Variants in CRTAC1 observed in about 807,000 individuals in gnomAD.
The protein encoded by CRTAC1 is acidic secreted protein in cartilage.
In CRTAC1, 37 loss-of-function variants were observed where a neutral mutation model predicts 67.8. That is an observed-to-expected ratio of 0.55 (90% CI 0.42 to 0.72). The LOEUF (loss-of-function observed/expected upper bound fraction) is 0.72, where lower values mean the gene tolerates loss of function less well. Ranked by LOEUF, CRTAC1 falls within the 30% of genes least tolerant of loss-of-function variation. The pLI is 0.00. For synonymous variants in CRTAC1, 348 were observed against 371.0 expected (o/e 0.94, Z 0.71); for missense variants, 780 against 931.6 (o/e 0.84, Z 2.12).
intron 7 of CRTAC1, among the ~76,000 whole-genome samples, chr10:97,904,362 C>T (rs1172362279): frequency 6.6e-6 from 1 of 152,116 alleles, no homozygotes; most frequent in African/African-American, 2.4e-5. Flanking sequence ...CCGGGGCACC[C>T]CTGCAGTGGT....
chr10:98,012,079 A>T (rs1046681122), intron 1 of CRTAC1, among the ~76,000 whole-genome samples: 8 of 152,226 alleles, frequency 5.3e-5, no homozygotes, highest in African/African-American at 1.9e-4. Flanking sequence ...AGAAGCAGTC[A>T]GTTAGGGGAG....
At chr10:97,961,633 C>T (rs943493878) in intron 2 of CRTAC1, among the ~76,000 whole-genome samples, 1 of 152,162 alleles carries the variant, frequency 6.6e-6, no homozygotes, top group African/African-American at 2.4e-5. Context: ...CCTTATGACC[C>T]TAAGCCCCAA....
At chr10:98,012,486 C>G (rs1160057171) in intron 1 of CRTAC1, among the ~76,000 whole-genome samples, 1 of 152,206 alleles carries the variant, frequency 6.6e-6, no homozygotes, top group East Asian at 1.9e-4. Context: ...ACTTTCCTGC[C>G]TTCAGAAGGT....
intron 2 of CRTAC1, among the ~76,000 whole-genome samples, chr10:98,007,347 A>G (rs1842811141): frequency 6.6e-6 from 1 of 152,228 alleles, no homozygotes; most frequent in Non-Finnish European, 1.5e-5. Context: ...ACTTTTGGTT[A>G]TCCAGCCCAA....
intron 3 of CRTAC1, among the ~76,000 whole-genome samples, chr10:97,927,107 G>T (rs1450953861): frequency 6.6e-6 from 1 of 152,202 alleles, no homozygotes; most frequent in East Asian, 1.9e-4. Flanking sequence ...TTCAGTGAGA[G>T]AAATTTCTCA....
chr10:97,925,430 A>T (rs1264975350), intron 3 of CRTAC1, among the ~76,000 whole-genome samples: 12 of 151,546 alleles, frequency 7.9e-5, no homozygotes, highest in Admixed American at 7.9e-4. Flanking sequence ...AGTACACGAG[A>T]GTAAGAGTGT....
intron 2 of CRTAC1, among the ~76,000 whole-genome samples, chr10:97,939,890 C>T (rs921188162): frequency 6.6e-6 from 1 of 152,184 alleles, no homozygotes; most frequent in Non-Finnish European, 1.5e-5. Context: ...TCGCTTATTC[C>T]TGTGAGGCCA....
At chr10:97,885,655 C>G (rs1047448361) in intron 11 of CRTAC1, among the ~76,000 whole-genome samples, 2 of 152,108 alleles carry the variant, frequency 1.3e-5, no homozygotes, top group African/African-American at 4.8e-5. Flanking sequence ...GGGGAGGAGG[C>G]GGGGGCTGGG....
At chr10:97,934,113 C>T (rs1273277078) in intron 3 of CRTAC1, among the ~76,000 whole-genome samples, 1 of 152,208 alleles carries the variant, frequency 6.6e-6, no homozygotes, top group Non-Finnish European at 1.5e-5. Context: ...CTTCCTCTGG[C>T]ATCTGCCTGC....
chr10:98,016,502 T>C (rs1370531261), intron 1 of CRTAC1, among the ~76,000 whole-genome samples: 7 of 152,164 alleles, frequency 4.6e-5, no homozygotes, highest in Non-Finnish European at 8.8e-5. Context: ...TTGGTAGGTG[T>C]GGGGTGGTCC....
At chr10:97,957,314 A>C (rs527913545) in intron 2 of CRTAC1, among the ~76,000 whole-genome samples, 1 of 152,198 alleles carries the variant, frequency 6.6e-6, no homozygotes, top group African/African-American at 2.4e-5. Flanking sequence ...AGTGATGATA[A>C]AAGCAGTGTG....
intron 2 of CRTAC1, among the ~76,000 whole-genome samples, chr10:97,974,508 C>G (rs2136656603): frequency 6.6e-6 from 1 of 152,334 alleles, no homozygotes; most frequent in South Asian, 2.1e-4. Flanking sequence ...GCAAGTCAGC[C>G]TCTTTCGACA....
At chr10:97,875,281 T>C (rs1328554651) in intron 14 of CRTAC1, among the ~76,000 whole-genome samples, 1 of 152,168 alleles carries the variant, frequency 6.6e-6, no homozygotes, top group Non-Finnish European at 1.5e-5. Context: ...CTGGGATGGG[T>C]GTGAGTATTC....
intron 1 of CRTAC1, among the ~76,000 whole-genome samples, chr10:98,025,516 C>T (rs1056668371): frequency 6.6e-6 from 1 of 152,208 alleles, no homozygotes; most frequent in Non-Finnish European, 1.5e-5. Context: ...CCTTTCACAC[C>T]TTTCTGCACA....
chr10:98,026,786 A>C (rs1162336529), intron 1 of CRTAC1, among the ~76,000 whole-genome samples: 1 of 152,176 alleles, frequency 6.6e-6, no homozygotes, highest in Non-Finnish European at 1.5e-5. Flanking sequence ...GCTTGGCAGC[A>C]GTGGGTTTCT....
chr10:97,915,549 C>T (rs7899277), intron 5 of CRTAC1, among the ~76,000 whole-genome samples: 3,734 of 152,274 alleles, frequency 0.025, 146 homozygotes, highest in African/African-American at 0.083. Context: ...TGAGCGCTGG[C>T]CACGCGCCCA....
intron 3 of CRTAC1, among the ~76,000 whole-genome samples, chr10:97,933,617 A>G (rs2051035475): frequency 6.6e-6 from 1 of 152,232 alleles, no homozygotes; most frequent in South Asian, 2.1e-4. Flanking sequence ...GGACTCAGAT[A>G]CCCGGAGAAA....
intron 7 of CRTAC1, among the ~76,000 whole-genome samples, chr10:97,903,153 C>T (rs1179871956): frequency 4.7e-5 from 7 of 149,930 alleles, no homozygotes; most frequent in African/African-American, 7.4e-5. Context: ...GAGGGGCCTT[C>T]GGAAGAATTA....
intron 2 of CRTAC1, among the ~76,000 whole-genome samples, chr10:97,978,494 GC>G (rs2051842314): frequency 6.6e-6 from 1 of 152,164 alleles, no homozygotes; most frequent in African/African-American, 2.4e-5. Context: ...AACGCAAGTG[GC>G]TGCTGTGCAC....
Sources: allele counts gnomAD v4.1 joint callset (sites outside exome capture counted in the v4.1 genomes callset), GRCh38; gene constraint gnomAD v4.1.1; transcripts MANE v1.5; gene names NCBI Gene and HGNC (gene_info 2026-07-23, HGNC 2026-07-21).